Variants in GLI2 observed in about 807,000 individuals in gnomAD.
The protein encoded by GLI2 is GLI family zinc finger 2.
Under a neutral mutation model 78.9 loss-of-function variants are expected in GLI2, and 22 were observed. The observed-to-expected ratio is 0.28, with a 90% CI of 0.20 to 0.40. GLI2 has a LOEUF of 0.40. Ranked by LOEUF, GLI2 falls within the 10% of genes least tolerant of loss-of-function variation. GLI2 has a pLI of 1.00. For missense variants in GLI2, 2,097 were observed against 2,213.2 expected (o/e 0.95, Z 1.05); for synonymous variants, 974 against 963.7 (o/e 1.01, Z -0.20).
intron 2 of GLI2, among the ~76,000 whole-genome samples, chr2:120,865,156 CGTGGCTCGA>C (rs930104297): frequency 2.2e-4 from 34 of 152,156 alleles, no homozygotes; most frequent in African/African-American, 7.0e-4. Context: ...GCTGACTAAA[CGTGGCTCGA>C]GTGTCTGAGC....
intron 2 of GLI2, among the ~76,000 whole-genome samples, chr2:120,847,662 G>A (rs970326250): frequency 3.3e-5 from 5 of 151,512 alleles, no homozygotes; most frequent in Non-Finnish European, 5.9e-5. Context: ...ATTGGAGCAG[G>A]CTGAATGTCA....
chr2:120,803,110 C>T (rs1366894814), intron 2 of GLI2, among the ~76,000 whole-genome samples: 1 of 152,248 alleles, frequency 6.6e-6, no homozygotes, highest in Non-Finnish European at 1.5e-5. Flanking sequence ...CAGGAGACTT[C>T]TGATGTGCTT....
intron 5 of GLI2, among the ~76,000 whole-genome samples, chr2:120,958,593 C>T (rs1300242810): frequency 6.6e-6 from 1 of 152,144 alleles, no homozygotes; most frequent in African/African-American, 2.4e-5. Flanking sequence ...ACTTCTAGCC[C>T]CCTCAGGATA....
At chr2:120,937,891 G>A (rs573707809) in intron 3 of GLI2, among the ~76,000 whole-genome samples, 9 of 152,274 alleles carry the variant, frequency 5.9e-5, no homozygotes, top group South Asian at 4.1e-4. Flanking sequence ...CCAGCCCGCC[G>A]GCCACCCAGG....
intron 2 of GLI2, among the ~76,000 whole-genome samples, chr2:120,901,360 A>G (rs1678245435): frequency 6.6e-6 from 1 of 152,226 alleles, no homozygotes; most frequent in Admixed American, 6.5e-5. Flanking sequence ...CTAAATTCAC[A>G]TGAAAATTGA....
rs530531863 is a variant in GLI2 at position 120,975,874 on chromosome 2, C to T, written c.1317+765C>T. Among the ~76,000 whole-genome samples the T allele has an allele frequency of 5.9e-5, 9 of 152,278 alleles. No homozygotes were observed. In the East Asian group the frequency reaches 9.6e-4, roughly 16 times the overall value. On this transcript the variant is annotated intron_variant, in intron 9 of 13. Coordinates refer to ENST00000361492, the MANE Select transcript of GLI2 (RefSeq NM_001374353.1). ...CTGAGTGGTTCTGAGCAAGTGACTC[C>T]ACCTCTGTGAGCTTCATTTGTTTCC...
At chr2:120,809,141 G>A (rs1434476886) in intron 2 of GLI2, among the ~76,000 whole-genome samples, 1 of 152,216 alleles carries the variant, frequency 6.6e-6, no homozygotes, top group Non-Finnish European at 1.5e-5. Context: ...ATGAATGGAT[G>A]AGCAGAACGT....
chr2:120,903,851 A>G (rs1678384330), intron 2 of GLI2, among the ~76,000 whole-genome samples: 1 of 152,106 alleles, frequency 6.6e-6, no homozygotes, highest in Non-Finnish European at 1.5e-5. Context: ...CTCCCCAAGG[A>G]TCCAGAGGGA....
At chr2:120,841,468 C>T (rs1686865814) in intron 2 of GLI2, among the ~76,000 whole-genome samples, 1 of 152,234 alleles carries the variant, frequency 6.6e-6, no homozygotes, top group Non-Finnish European at 1.5e-5. Flanking sequence ...TTTGTGAACA[C>T]ATCCTTATCA....
At chr2:120,986,989 C>T (rs574250316) in intron 13 of GLI2, among the ~76,000 whole-genome samples, 5 of 152,302 alleles carry the variant, frequency 3.3e-5, no homozygotes, top group East Asian at 1.9e-4. Flanking sequence ...CCCAAAGGAG[C>T]GTATGGTTAG....
intron 2 of GLI2, among the ~76,000 whole-genome samples, chr2:120,858,452 C>A (rs1484372442): frequency 6.6e-6 from 1 of 152,178 alleles, no homozygotes; most frequent in African/African-American, 2.4e-5. Context: ...TGGGTCAGGG[C>A]CAAGCTAGTG....
chr2:120,955,137 G>A (rs563593407), intron 4 of GLI2, 108 bp from the exon 5 acceptor site: 2 of 751,188 alleles, frequency 2.7e-6, no homozygotes, highest in African/African-American at 3.6e-5. Flanking sequence ...GACACCAGGT[G>A]TGCATTTCTC....
intron 2 of GLI2, among the ~76,000 whole-genome samples, chr2:120,828,278 C>T (rs1373146153): frequency 6.6e-6 from 1 of 152,202 alleles, no homozygotes. Flanking sequence ...GTTAGTTCTC[C>T]CCGCTCTCTC....
intron 2 of GLI2, among the ~76,000 whole-genome samples, chr2:120,864,139 G>A (rs1053677614): frequency 7.2e-5 from 11 of 152,318 alleles, no homozygotes; most frequent in African/African-American, 1.2e-4. Flanking sequence ...GTGAGGGCCC[G>A]TGTGGGGACA....
At chr2:120,764,165 T>C (rs1023100169) in intron 1 of GLI2, among the ~76,000 whole-genome samples, 1 of 152,208 alleles carries the variant, frequency 6.6e-6, no homozygotes, top group African/African-American at 2.4e-5. Flanking sequence ...TCTGCCCTGA[T>C]GGCACTGGGC....
intron 2 of GLI2, among the ~76,000 whole-genome samples, chr2:120,804,486 C>T (rs941626903): frequency 6.6e-6 from 1 of 152,228 alleles, no homozygotes; most frequent in Non-Finnish European, 1.5e-5. Flanking sequence ...GGTCTTTGGC[C>T]CCCCTGCCAG....
At chr2:120,840,705 G>T (rs959050095) in intron 2 of GLI2, among the ~76,000 whole-genome samples, 9 of 152,226 alleles carry the variant, frequency 5.9e-5, no homozygotes, top group African/African-American at 1.9e-4. Context: ...CAGCAGAGGC[G>T]TGAGAAGCCA....
intron 1 of GLI2, among the ~76,000 whole-genome samples, chr2:120,744,051 G>C (rs1435704271): frequency 1.3e-5 from 2 of 152,252 alleles, no homozygotes; most frequent in Admixed American, 1.3e-4. Flanking sequence ...GGGGACATTG[G>C]TAGAGAGCGG....
At chr2:120,943,377 C>T (rs1680556660) in intron 3 of GLI2, among the ~76,000 whole-genome samples, 1 of 152,204 alleles carries the variant, frequency 6.6e-6, no homozygotes, top group South Asian at 2.1e-4. Flanking sequence ...CAGAGAGTGG[C>T]ATACAGGACA....
Sources: gnomAD v4.1 joint callset for allele counts (sites outside exome capture counted in the v4.1 genomes callset) on GRCh38, gnomAD v4.1.1 for gene constraint, MANE v1.5 for transcripts, NCBI Gene and HGNC (gene_info 2026-07-23, HGNC 2026-07-21) for gene names.